The following DAB1 variants were observed in gnomAD, a reference collection of about 807,000 sequenced individuals.
DAB1 encodes the protein DAB adaptor protein 1, also known as disabled homolog 1.
DAB1 carries 15 observed loss-of-function variants against 64.6 expected under a neutral mutation model. The ratio of observed to expected loss-of-function variants is 0.23; its 90% CI spans 0.16 to 0.36. The LOEUF is 0.36. Ranked by LOEUF, DAB1 falls within the 10% of genes least tolerant of loss-of-function variation. The probability of loss-of-function intolerance (pLI) is 1.00; values close to 1 mark genes in which losing one functional copy is unlikely to be tolerated. For synonymous variants in DAB1, 235 were observed against 251.9 expected (o/e 0.93, Z 0.64); for missense variants, 596 against 706.7 (o/e 0.84, Z 1.78).
chr1:57,348,727 A>T lies in DAB1; in HGVS notation c.-136-57561T>A, dbSNP rs1678328535. ...GTTCTCAGTATCTAACCTGCAGCCA[A>T]CTACCTTCTGCCTGACTCTAACCAA... On this transcript the variant is annotated intron_variant, in intron 1 of 14. Transcript: ENST00000371236. Among the ~76,000 whole-genome samples, 7 of 152,130 alleles carry T rather than the reference A, an allele frequency of 4.6e-5. No individual in the cohort carries two copies. The South Asian group carries it at 1.5e-3, about 32-fold the overall frequency.
At chr1:57,650,662 T>C (rs1646245987) in intron 6 of DAB1, among the ~76,000 whole-genome samples, 1 of 152,210 alleles carries the variant, frequency 6.6e-6, no homozygotes, top group Non-Finnish European at 1.5e-5. Flanking sequence ...TGTTTCTTTA[T>C]GCTTTCCAAA....
chr1:58,083,826 AGTCAAT>A (rs1490221229), intron 5 of DAB1, among the ~76,000 whole-genome samples: 2 of 152,236 alleles, frequency 1.3e-5, no homozygotes, highest in Non-Finnish European at 2.9e-5. Context: ...ATTAGAGAGT[AGTCAAT>A]GGTGTCCGGA....
intron 1 of DAB1, among the ~76,000 whole-genome samples, chr1:57,328,528 G>C (rs1329279105): frequency 6.6e-6 from 1 of 152,150 alleles, no homozygotes; most frequent in Non-Finnish European, 1.5e-5. Context: ...AGGGAAGCAC[G>C]TTTTATATAC....
intron 7 of DAB1, among the ~76,000 whole-genome samples, chr1:57,494,571 A>C (rs1383372167): frequency 6.6e-6 from 1 of 152,212 alleles, no homozygotes; most frequent in Non-Finnish European, 1.5e-5. Context: ...AGAGTCCTTC[A>C]GACCCCTTCC....
chr1:57,924,985 T>A (rs995674086), intron 5 of DAB1, among the ~76,000 whole-genome samples: 1 of 152,202 alleles, frequency 6.6e-6, no homozygotes, highest in African/African-American at 2.4e-5. Flanking sequence ...ACTTGATGAA[T>A]AAGTTTCAGA....
upstream of DAB1, among the ~76,000 whole-genome samples, chr1:57,424,642 G>A (rs946040194): frequency 5.9e-5 from 9 of 152,350 alleles, no homozygotes; most frequent in South Asian, 1.2e-3. Context: ...GTGCCAGGAA[G>A]GGCGAAACCA....
chr1:57,220,947 C>T (rs536721129), intron 2 of DAB1, among the ~76,000 whole-genome samples: 13 of 152,242 alleles, frequency 8.5e-5, no homozygotes, highest in East Asian at 7.7e-4. Flanking sequence ...CACATGCACA[C>T]GTATGTTTAT....
chr1:57,184,291 A>G (rs1663298534), intron 2 of DAB1, among the ~76,000 whole-genome samples: 1 of 152,196 alleles, frequency 6.6e-6, no homozygotes, highest in African/African-American at 2.4e-5. Context: ...AAAGTGTATA[A>G]TACATTTAGG....
At chr1:57,921,932 C>T (rs531701988) in intron 5 of DAB1, among the ~76,000 whole-genome samples, 1 of 152,338 alleles carries the variant, frequency 6.6e-6, no homozygotes, top group Admixed American at 6.5e-5. Context: ...CACCGGCCCC[C>T]TCCGTGGTGT....
At chr1:57,250,558 C>A (rs1481058335) in intron 2 of DAB1, among the ~76,000 whole-genome samples, 2 of 152,108 alleles carry the variant, frequency 1.3e-5, no homozygotes, top group Non-Finnish European at 2.9e-5. Flanking sequence ...CAGAAAACTG[C>A]CTTCCAATAA....
chr1:58,417,805 G>A (rs909571050), intron 3 of DAB1, among the ~76,000 whole-genome samples: 7 of 152,222 alleles, frequency 4.6e-5, no homozygotes, highest in Admixed American at 4.6e-4. Flanking sequence ...AGCAATGGGT[G>A]AGTTCTGCTC....
intron 7 of DAB1, among the ~76,000 whole-genome samples, chr1:57,589,404 T>C (rs1475117378): frequency 1.3e-5 from 2 of 152,104 alleles, no homozygotes; most frequent in Admixed American, 1.3e-4. Flanking sequence ...TTTTTTTATA[T>C]GTAAATGATA....
chr1:57,007,778 A>G (rs1284475186), intron 14 of DAB1, among the ~76,000 whole-genome samples: 1 of 152,248 alleles, frequency 6.6e-6, no homozygotes, highest in East Asian at 1.9e-4. Context: ...ATATGAAAGC[A>G]GAGGGGAAAA....
chr1:57,627,792 C>T lies in DAB1; in HGVS notation n.625+21800G>A, dbSNP rs552420797. On this transcript the variant is annotated intron_variant and non_coding_transcript_variant, in intron 7 of 20. Transcript: ENST00000485760. The stretch of plus-strand genomic sequence containing the variant: ...GTAAATGCATTGCACTGGCCCTAAG[C>T]CCAGCAGAATATGCTGCATCATGTC... Among the ~76,000 whole-genome samples, 10 of 152,304 alleles carry T rather than the reference C, an allele frequency of 6.6e-5. No homozygotes were observed. The South Asian group carries it at 2.1e-3, about 32-fold the overall frequency.
intron 5 of DAB1, among the ~76,000 whole-genome samples, chr1:57,924,562 C>T (rs1029363094): frequency 5.9e-5 from 9 of 151,644 alleles, no homozygotes; most frequent in Non-Finnish European, 1.2e-4. Context: ...TGGATTCAAG[C>T]AATTCTCCTC....
chr1:57,821,074 C>G (rs1434245873), downstream of DAB1, among the ~76,000 whole-genome samples: 2 of 152,074 alleles, frequency 1.3e-5, no homozygotes, highest in Non-Finnish European at 2.9e-5. Context: ...TTCACCCACC[C>G]CCAAAAAAGA....
rs201262539 is a variant in DAB1, at chr1:57,145,411, G to A, written c.86C>T (p.Ala29Val). 6.2e-7 allele frequency: 1 copy of A among 1,613,958 alleles called. No homozygotes were observed. Reference sequence around the variant, plus strand: ...ACCTTTAAACCTCTTTATCAAAGTGGCTTCACTGCGATCCTGACCTAAAAA... The same window carrying A: ...ACCTTTAAACCTCTTTATCAAAGTGACTTCACTGCGATCCTGACCTAAAAA... Reference protein sequence around the residue: ...SRKKGQDRSEATLIKRFKGEG... With the variant: ...SRKKGQDRSEVTLIKRFKGEG... The change falls in exon 3 of 15, where the codon GCC becomes GTC. Residue 29 changes from alanine (A) to valine (V), a missense_variant. By Grantham distance (64) the Ala-to-Val change is moderately conservative. Transcript: ENST00000371236.
In DAB1 at chr1:57,014,938, G is replaced by A. The variant is rs757948150; in HGVS notation, c.1389C>T (p.Asp463=). 17 of 1,609,472 alleles carry A rather than the reference G, an allele frequency of 1.1e-5. No homozygotes were observed. Among genetic ancestry groups the A allele is most frequent in the African/African-American group, 1.3e-5 (1 of 74,836 alleles). ...AQDTDDCDDF[D]ISQLNLTPVT... is the part of the protein sequence containing the mutation. The stretch of plus-strand genomic sequence containing the variant: ...CAGGGGTCAAATTCAACTGGGAGAT[G>A]TCAAAGTCATCACAGTCGTCTGTAT... Residue 463 remains aspartate, a synonymous_variant, in exon 12 of 15, where the codon GAC becomes GAT. Transcript: ENST00000371236.
intron 4 of DAB1, among the ~76,000 whole-genome samples, chr1:58,227,180 T>A (rs1659538836): frequency 6.6e-6 from 1 of 152,100 alleles, no homozygotes; most frequent in Non-Finnish European, 1.5e-5. Context: ...CTGGAAGAGA[T>A]CTGAAATACA....
Sources: gnomAD v4.1 joint callset for allele counts (sites outside exome capture counted in the v4.1 genomes callset) on GRCh38, gnomAD v4.1.1 for gene constraint, MANE v1.5 for transcripts, NCBI Gene and HGNC (gene_info 2026-07-23, HGNC 2026-07-21) for gene names.